Variants in ZBTB20 observed in about 807,000 individuals in gnomAD.
The protein encoded by ZBTB20 is zinc finger and BTB domain containing 20.
Under a neutral mutation model 56.9 loss-of-function variants are expected in ZBTB20, and 9 were observed. The observed-to-expected ratio is 0.16, with a 90% CI of 0.10 to 0.28. The LOEUF (loss-of-function observed/expected upper bound fraction) is 0.28. Ranked by LOEUF, ZBTB20 falls within the 10% of genes least tolerant of loss-of-function variation. The pLI is 1.00. For synonymous variants in ZBTB20, 417 were observed against 420.7 expected, an observed-to-expected ratio of 0.99 and a Z score of 0.11; for missense variants, 655 against 1,003.0, an observed-to-expected ratio of 0.65 and a Z score of 4.69.
intron 7 of ZBTB20, among the ~76,000 whole-genome samples, chr3:114,439,654 CT>C (rs1286104409): frequency 6.6e-6 from 1 of 152,120 alleles, no homozygotes; most frequent in East Asian, 1.9e-4. Context: ...TTCCAATGAC[CT>C]TAGGGACTTT....
chr3:114,967,394 T>C (rs1291176881), intron 3 of ZBTB20, among the ~76,000 whole-genome samples: 1 of 152,210 alleles, frequency 6.6e-6, no homozygotes, highest in Non-Finnish European at 1.5e-5. Context: ...TCTGGATATC[T>C]TTCTGTGTTT....
chr3:114,321,013 C>T lies in ZBTB20; in HGVS notation c.*17992G>A, dbSNP rs754194001. On this transcript the variant is annotated 3_prime_UTR_variant, in exon 12 of 12. Coordinates refer to ENST00000675478, the MANE Select transcript of ZBTB20 (RefSeq NM_001348800.3). ...GGAAATGAAAACAAAATAAAGTGAA[C>T]AGGTGGTTGAGCCAGCCAAAGCCTC... is the stretch of plus-strand genomic sequence containing the variant. 1 of 152,134 alleles carries T rather than the reference C, an allele frequency of 6.6e-6. No individual in the cohort carries two copies. The highest frequency in any genetic ancestry group is 2.4e-5 in the African/African-American group (1 of 41,432). The allele number at this position is 152,134 out of a possible 1,614,324, so 9.4% of individuals were successfully genotyped here.
chr3:114,551,010 C>A (rs1313598526), intron 6 of ZBTB20, among the ~76,000 whole-genome samples: 2 of 152,176 alleles, frequency 1.3e-5, no homozygotes, highest in African/African-American at 4.8e-5. Context: ...CTCAGCCTCC[C>A]AAAGTGCTGG....
chr3:114,647,059 T>C (rs186706419), intron 6 of ZBTB20, among the ~76,000 whole-genome samples: 4 of 151,974 alleles, frequency 2.6e-5, no homozygotes, highest in East Asian at 1.9e-4. Flanking sequence ...CCCGGGTTCA[T>C]GCCATTCTCC....
chr3:114,962,353 T>A (rs1365718753), intron 3 of ZBTB20, among the ~76,000 whole-genome samples: 1 of 152,032 alleles, frequency 6.6e-6, no homozygotes, highest in African/African-American at 2.4e-5. Flanking sequence ...AAGTAATAAG[T>A]AACCCCACCC....
At chr3:114,959,720 TACACACACACAC>T (rs56785871) in intron 3 of ZBTB20, among the ~76,000 whole-genome samples, 10 of 145,364 alleles carry the variant, frequency 6.9e-5, no homozygotes, top group African/African-American at 2.0e-4. Flanking sequence ...TTTATATACA[TACACACACACAC>T]ACACACACAC....
intron 1 of ZBTB20, among the ~76,000 whole-genome samples, chr3:115,139,487 C>A (rs2084749947): frequency 6.6e-6 from 1 of 151,944 alleles, no homozygotes; most frequent in Admixed American, 6.6e-5. Flanking sequence ...GATTTCTTTG[C>A]CTACCTTATC....
At chr3:114,388,660 T>C (rs1172614397) in intron 8 of ZBTB20, 1 of 152,328 alleles carries the variant, frequency 6.6e-6, no homozygotes, top group Non-Finnish European at 1.5e-5. Flanking sequence ...GATTCAACAG[T>C]GGCACGGAAG....
intron 1 of ZBTB20, among the ~76,000 whole-genome samples, chr3:115,072,977 T>G (rs1452207731): frequency 6.6e-6 from 1 of 152,222 alleles, no homozygotes. Context: ...TGAAGAATAA[T>G]AAGATAATAT....
chr3:114,483,709 C>CT (rs1221318825), intron 7 of ZBTB20, among the ~76,000 whole-genome samples: 4 of 152,136 alleles, frequency 2.6e-5, no homozygotes, highest in African/African-American at 4.8e-5. Context: ...AGGTCATAGA[C>CT]TTAATTGGTA....
chr3:114,624,706 C>G (rs1393525190), intron 6 of ZBTB20, among the ~76,000 whole-genome samples: 1 of 151,946 alleles, frequency 6.6e-6, no homozygotes, highest in Non-Finnish European at 1.5e-5. Flanking sequence ...AAGGGAAGTT[C>G]AGGGAAGGGG....
At chr3:114,798,919 G>T (rs981949613) in intron 5 of ZBTB20, among the ~76,000 whole-genome samples, 2 of 151,588 alleles carry the variant, frequency 1.3e-5, no homozygotes, top group Admixed American at 6.6e-5. Context: ...AAAAATGAAA[G>T]AATCCCTTTT....
At chr3:115,085,711 G>C (rs2082960378) in intron 1 of ZBTB20, among the ~76,000 whole-genome samples, 1 of 151,862 alleles carries the variant, frequency 6.6e-6, no homozygotes, top group African/African-American at 2.4e-5. Context: ...TGCCACATTT[G>C]CCTCAGGCCG....
intron 2 of ZBTB20, among the ~76,000 whole-genome samples, chr3:115,005,746 G>C (rs560242367): frequency 1.1e-4 from 17 of 151,768 alleles, no homozygotes; most frequent in African/African-American, 4.1e-4. Context: ...TTTCCATCCT[G>C]GACCACTGAA....
At chr3:114,481,397 T>C (rs1214718693) in intron 7 of ZBTB20, among the ~76,000 whole-genome samples, 2 of 152,090 alleles carry the variant, frequency 1.3e-5, no homozygotes, top group African/African-American at 2.4e-5. Context: ...CCCTGAGAGA[T>C]CCGTTATGTT....
chr3:115,029,339 AG>A (rs5851942), intron 2 of ZBTB20, among the ~76,000 whole-genome samples: 145,141 of 149,812 alleles, frequency 0.97, 70,475 homozygotes, highest in South Asian at 1. Context: ...ATAAAATTGA[AG>A]GGGGGGGGCA....
At chr3:115,010,063 A>C (rs1032440679) in intron 2 of ZBTB20, among the ~76,000 whole-genome samples, 1 of 152,068 alleles carries the variant, frequency 6.6e-6, no homozygotes, top group African/African-American at 2.4e-5. Flanking sequence ...CTTTTGTCCC[A>C]CTAAGCAAAA....
chr3:114,877,774 C>T (rs1046578946), intron 4 of ZBTB20, among the ~76,000 whole-genome samples: 1 of 152,086 alleles, frequency 6.6e-6, no homozygotes, highest in African/African-American at 2.4e-5. Flanking sequence ...ACACAATACA[C>T]CTGCTTTTTT....
intron 1 of ZBTB20, among the ~76,000 whole-genome samples, chr3:115,109,047 AAAATATAAAAATGTT>A (rs1375044893): frequency 6.6e-6 from 1 of 152,184 alleles, no homozygotes; most frequent in Admixed American, 6.5e-5. Flanking sequence ...AATGGATTAC[AAAATATAAAAATGTT>A]ATTTGTAATA....
Sources: gnomAD v4.1 joint callset for allele counts (sites outside exome capture counted in the v4.1 genomes callset) on GRCh38, gnomAD v4.1.1 for gene constraint, MANE v1.5 for transcripts, NCBI Gene and HGNC (gene_info 2026-07-23, HGNC 2026-07-21) for gene names.